NOS1AP: variants seen among roughly 807,000 people sequenced by gnomAD.
The protein encoded by NOS1AP is nitric oxide synthase 1 adaptor protein.
Under a neutral mutation model 56.2 loss-of-function variants are expected in NOS1AP, and 21 were observed. The observed-to-expected ratio is 0.37, with a 90% CI of 0.26 to 0.54. NOS1AP has a LOEUF of 0.54. NOS1AP is among the 20% of genes least tolerant of loss of function. The pLI, the probability that NOS1AP is intolerant of heterozygous loss-of-function variation, is 0.84. For synonymous variants in NOS1AP, 270 were observed against 274.6 expected (o/e 0.98, Z 0.17); for missense variants, 522 against 657.8 (o/e 0.79, Z 2.26).
chr1:162,333,749 G>A lies in NOS1AP; in HGVS notation c.453+624G>A, dbSNP rs79335362. 4.4e-3 allele frequency among the ~76,000 whole-genome samples: 671 copies of A among 152,158 alleles called. 4 individuals carry two copies. The highest frequency in any genetic ancestry group is 0.015 in the African/African-American group (623 of 41,508). ...TCTCATCTATAAAATGAAAAGAATCGTCAAAATCAGCATTTCCTAAATGTG... is the reference window on the plus strand; with the variant it reads ...TCTCATCTATAAAATGAAAAGAATCATCAAAATCAGCATTTCCTAAATGTG... On this transcript the variant is annotated intron_variant, in intron 5 of 9. Coordinates refer to ENST00000361897, the MANE Select transcript of NOS1AP (RefSeq NM_014697.3).
intron 1 of NOS1AP, among the ~76,000 whole-genome samples, chr1:162,108,997 C>T (rs12080979): frequency 0.12 from 17,656 of 152,180 alleles, 2,280 homozygotes; most frequent in African/African-American, 0.32. Context: ...AGAATCATGG[C>T]GTAAGGCAAA....
At chr1:162,142,291 G>A (rs949057094) in intron 1 of NOS1AP, among the ~76,000 whole-genome samples, 11 of 152,096 alleles carry the variant, frequency 7.2e-5, no homozygotes, top group Admixed American at 2.0e-4. Flanking sequence ...TCCTTATCTC[G>A]TTCCTGATCT....
At chr1:162,166,958 G>C (rs954254933) in intron 2 of NOS1AP, among the ~76,000 whole-genome samples, 1 of 152,170 alleles carries the variant, frequency 6.6e-6, no homozygotes, top group Non-Finnish European at 1.5e-5. Flanking sequence ...GCTGAATCTG[G>C]TGAATCCATC....
chr1:162,120,810 G>A (rs1379902045), intron 1 of NOS1AP, among the ~76,000 whole-genome samples: 1 of 152,134 alleles, frequency 6.6e-6, no homozygotes, highest in Non-Finnish European at 1.5e-5. Flanking sequence ...AATTCTTTTA[G>A]ATTTTTTCCC....
intron 2 of NOS1AP, among the ~76,000 whole-genome samples, chr1:162,158,951 A>G (rs941851480): frequency 2.0e-5 from 3 of 152,208 alleles, no homozygotes; most frequent in Admixed American, 6.5e-5. Context: ...TTTTAGCTGT[A>G]TAGCTTAGAA....
chr1:162,273,160 C>CTTTTTTTT lies in NOS1AP; in HGVS notation c.178-14170_178-14163dup, dbSNP rs11429407. Among the ~76,000 whole-genome samples the CTTTTTTTT allele has an allele frequency of 1.3e-4, 14 of 106,218 alleles. 1 individual carries two copies. Among genetic ancestry groups the CTTTTTTTT allele is most frequent in the Non-Finnish European group, 2.3e-4 (13 of 56,792 alleles). The allele number at this position is 106,218 out of a possible 152,430, so 69.7% of individuals were successfully genotyped here. ...CAGGACAACTCTGGAAGCCCTTGTT[C>CTTTTTTTT]TTTTTTTTTTTTTTTTTTTTTGAGA... On this transcript the variant is annotated intron_variant, in intron 2 of 9. Coordinates refer to ENST00000361897, the MANE Select transcript of NOS1AP (RefSeq NM_014697.3).
chr1:162,327,329 C>T (rs1656624387), intron 4 of NOS1AP, among the ~76,000 whole-genome samples: 1 of 152,146 alleles, frequency 6.6e-6, no homozygotes, highest in South Asian at 2.1e-4. Flanking sequence ...GAATCACTGG[C>T]TTCTGGGTTC....
chr1:162,180,382 C>A (rs1651212483), intron 2 of NOS1AP, among the ~76,000 whole-genome samples: 1 of 152,016 alleles, frequency 6.6e-6, no homozygotes, highest in African/African-American at 2.4e-5. Context: ...GTAGCTGGGA[C>A]CACAGGCGCC....
intron 1 of NOS1AP, among the ~76,000 whole-genome samples, chr1:162,132,190 T>C (rs1316593807): frequency 1.3e-5 from 2 of 152,194 alleles, no homozygotes; most frequent in East Asian, 3.9e-4. Flanking sequence ...CTCCTGACTC[T>C]GCCAAATACC....
chr1:162,265,365 C>T (rs1475355105), intron 2 of NOS1AP, among the ~76,000 whole-genome samples: 1 of 150,490 alleles, frequency 6.6e-6, no homozygotes, highest in Non-Finnish European at 1.5e-5. Flanking sequence ...TCTCCTAATG[C>T]TATCCCTCCC....
At chr1:162,351,241 T>A (rs1198982604) in intron 6 of NOS1AP, among the ~76,000 whole-genome samples, 1 of 152,340 alleles carries the variant, frequency 6.6e-6, no homozygotes, top group East Asian at 1.9e-4. Context: ...GCTGTTTAAG[T>A]TTAAGCTGTT....
chr1:162,133,587 A>ATGAT (rs2102065767), intron 1 of NOS1AP, among the ~76,000 whole-genome samples: 1 of 152,352 alleles, frequency 6.6e-6, no homozygotes, highest in South Asian at 2.1e-4. Context: ...TCCCTTTTAC[A>ATGAT]TGATAGATGA....
intron 2 of NOS1AP, among the ~76,000 whole-genome samples, chr1:162,239,319 CT>C (rs1653405187): frequency 6.6e-6 from 1 of 152,194 alleles, no homozygotes; most frequent in Non-Finnish European, 1.5e-5. Flanking sequence ...AGATCATATT[CT>C]CTTATTGCAA....
rs35637289 is a variant in NOS1AP at position 162,255,490 on chromosome 1, A to ATTTT, written c.178-31822_178-31819dup. Among the ~76,000 whole-genome samples the ATTTT allele has an allele frequency of 1.7e-3, 106 of 60,972 alleles. 5 individuals carry two copies. Among genetic ancestry groups the ATTTT allele is most frequent in the African/African-American group, 3.0e-3 (60 of 19,892 alleles). 40.0% of individuals were successfully genotyped at this position (60,972 alleles called of 152,430 possible). On this transcript the variant is annotated intron_variant, in intron 2 of 9. Coordinates refer to ENST00000361897, the MANE Select transcript of NOS1AP (RefSeq NM_014697.3). ...ATGCATAGGTTATTTGCTGCTGCTG[A>ATTTT]TTTTTTTTTTTTTTTTTTTTTTTTT...
At chr1:162,174,092 A>C (rs905321193) in intron 2 of NOS1AP, among the ~76,000 whole-genome samples, 1 of 152,326 alleles carries the variant, frequency 6.6e-6, no homozygotes, top group East Asian at 1.9e-4. Context: ...TCATGCTGCT[A>C]TAAAGATACA....
At chr1:162,313,004 A>G (rs986352063) in intron 4 of NOS1AP, among the ~76,000 whole-genome samples, 14 of 152,208 alleles carry the variant, frequency 9.2e-5, no homozygotes, top group Non-Finnish European at 2.9e-5. Flanking sequence ...GCTATCTATG[A>G]CAAACCCACA....
At chr1:162,319,965 A>G (rs142416541) in intron 4 of NOS1AP, among the ~76,000 whole-genome samples, 10 of 152,288 alleles carry the variant, frequency 6.6e-5, no homozygotes, top group Non-Finnish European at 1.3e-4. Context: ...CAGCTCAGGC[A>G]GCAGCTCCCT....
At position 162,078,237 on chromosome 1, in the gene NOS1AP, C is replaced by T. The variant is rs117874189; in HGVS notation, c.105+7955C>T. Among the ~76,000 whole-genome samples, 57 of 152,322 alleles carry T rather than the reference C, an allele frequency of 3.7e-4. No individual in the cohort carries two copies. The East Asian group carries it at 0.011, about 29-fold the overall frequency. On this transcript the variant is annotated intron_variant, in intron 1 of 9. Transcript: ENST00000361897. ...CCACATCTTTATGCGCAGCTTCCTG[C>T]TGGTCATCTGTACCTGAATGTGTTG... is the stretch of plus-strand genomic sequence containing the variant.
At chr1:162,324,387 T>C (rs973391616) in intron 4 of NOS1AP, among the ~76,000 whole-genome samples, 1 of 150,094 alleles carries the variant, frequency 6.7e-6, no homozygotes, top group Non-Finnish European at 1.5e-5. Flanking sequence ...AAAGGATTTT[T>C]GTGTAGTGGT....
Sources: gnomAD v4.1 joint callset for allele counts (sites outside exome capture counted in the v4.1 genomes callset) on GRCh38, gnomAD v4.1.1 for gene constraint, MANE v1.5 for transcripts, NCBI Gene and HGNC (gene_info 2026-07-23, HGNC 2026-07-21) for gene names.